TMEM131L: variants seen among roughly 807,000 people sequenced by gnomAD.
The protein encoded by TMEM131L is transmembrane 131 like.
Under a neutral mutation model 192.2 loss-of-function variants are expected in TMEM131L, and 54 were observed. The observed-to-expected ratio is 0.28, with a 90% CI of 0.23 to 0.35. The LOEUF (loss-of-function observed/expected upper bound fraction) is 0.35. Ranked by LOEUF, TMEM131L falls within the 10% of genes least tolerant of loss-of-function variation. The probability of loss-of-function intolerance (pLI) is 1.00; values close to 1 mark genes in which losing one functional copy is unlikely to be tolerated. For synonymous variants in TMEM131L, 701 were observed against 704.9 expected (o/e 0.99, Z 0.09); for missense variants, 1,888 against 1,972.9 (o/e 0.96, Z 0.82).
In TMEM131L at chr4:153,574,884, G is replaced by A. The variant is rs575634368; in HGVS notation, c.661-5942G>A. On this transcript the variant is annotated intron_variant, in intron 7 of 34. Transcript: ENST00000409959. ...ATTACAGGTGTGAGCCACTGCGCCC[G>A]GCCGAGATTTACTTTTATAATGACT... Among the ~76,000 whole-genome samples the A allele has an allele frequency of 2.6e-5, 4 of 152,210 alleles. No individual in the cohort carries two copies. The East Asian group carries it at 5.8e-4, about 22-fold the overall frequency.
chr4:153,479,331 C>T (rs1731760673), intron 3 of TMEM131L, among the ~76,000 whole-genome samples: 1 of 152,208 alleles, frequency 6.6e-6, no homozygotes, highest in Admixed American at 6.5e-5. Flanking sequence ...TCCCTCTTTC[C>T]TCTTCATCCC....
At chr4:153,499,822 CCT>C (rs1733464152) in intron 3 of TMEM131L, among the ~76,000 whole-genome samples, 1 of 152,148 alleles carries the variant, frequency 6.6e-6, no homozygotes, top group African/African-American at 2.4e-5. Flanking sequence ...CATTTTTGAG[CCT>C]CTCTCATTGT....
intron 25 of TMEM131L, among the ~76,000 whole-genome samples, chr4:153,606,580 C>T (rs1732255307): frequency 6.6e-6 from 1 of 152,206 alleles, no homozygotes; most frequent in Non-Finnish European, 1.5e-5. Flanking sequence ...CAGGTAATAA[C>T]ACTTTAATAA....
intron 3 of TMEM131L, among the ~76,000 whole-genome samples, chr4:153,547,567 A>G (rs1353914720): frequency 6.6e-6 from 1 of 152,182 alleles, no homozygotes; most frequent in Non-Finnish European, 1.5e-5. Context: ...CTATTATTTC[A>G]TTTTATTCTC....
At chr4:153,622,528 T>C (rs1232366027) in intron 28 of TMEM131L, among the ~76,000 whole-genome samples, 1 of 152,234 alleles carries the variant, frequency 6.6e-6, no homozygotes, top group Non-Finnish European at 1.5e-5. Context: ...TTTGAAACTC[T>C]TAGTGGATAT....
At chr4:153,497,878 CA>C (rs200874155) in intron 3 of TMEM131L, among the ~76,000 whole-genome samples, 7,655 of 70,366 alleles carry the variant, frequency 0.11, 165 homozygotes, top group East Asian at 0.24. Context: ...GAAAAATTTC[CA>C]AAAAAAAAAA....
At chr4:153,600,199 T>C (rs1731736723) in intron 21 of TMEM131L, among the ~76,000 whole-genome samples, 2 of 152,186 alleles carry the variant, frequency 1.3e-5, no homozygotes, top group Admixed American at 1.3e-4. Context: ...ACCTCATCTC[T>C]GCTAAGAATA....
At chr4:153,575,886 C>T (rs563451767) in intron 7 of TMEM131L, among the ~76,000 whole-genome samples, 59 of 152,092 alleles carry the variant, frequency 3.9e-4, no homozygotes, top group African/African-American at 1.4e-3. Context: ...ACTTGTAACC[C>T]TAGTATGTGG....
chr4:153,470,845 C>G (rs1456332087), intron 2 of TMEM131L, among the ~76,000 whole-genome samples: 1 of 152,240 alleles, frequency 6.6e-6, no homozygotes, highest in African/African-American at 2.4e-5. Flanking sequence ...CAAGCATGTC[C>G]AACACGTATC....
At chr4:153,478,848 A>C (rs1261803293) in intron 3 of TMEM131L, among the ~76,000 whole-genome samples, 1 of 152,150 alleles carries the variant, frequency 6.6e-6, no homozygotes. Context: ...TTTTAATTTT[A>C]ATAACTACCC....
intron 3 of TMEM131L, among the ~76,000 whole-genome samples, chr4:153,540,497 A>C (rs892147287): frequency 3.3e-5 from 5 of 152,188 alleles, no homozygotes; most frequent in African/African-American, 1.2e-4. Flanking sequence ...CCCTTGTATC[A>C]TATGTGTTAT....
At position 153,632,970 on chromosome 4, in the gene TMEM131L, G is replaced by A. The variant is rs1011946029; in HGVS notation, c.4328+132G>A. ...CTTCCTTGGTGTACTTTAGCTGTGC[G>A]TTTCCTTCTGCCTTTTAGAGTTGCA... On this transcript the variant is annotated intron_variant, in intron 32 of 34. Coordinates refer to ENST00000409959, the MANE Select transcript of TMEM131L (RefSeq NM_001131007.2). The A allele has an allele frequency of 4.1e-6, 4 of 979,700 alleles. No individual in the cohort carries two copies. In the South Asian group the frequency reaches 5.4e-5, roughly 13 times the overall value. The allele number at this position is 979,700 out of a possible 1,614,324, so 60.7% of individuals were successfully genotyped here.
At chr4:153,522,531 C>T (rs187517448) in intron 3 of TMEM131L, among the ~76,000 whole-genome samples, 95 of 152,270 alleles carry the variant, frequency 6.2e-4, no homozygotes, top group Middle Eastern at 3.4e-3. Context: ...GACCCTTCCC[C>T]CTGCCTCATG....
At chr4:153,539,813 A>AG (rs1736632445) in intron 3 of TMEM131L, among the ~76,000 whole-genome samples, 1 of 151,806 alleles carries the variant, frequency 6.6e-6, no homozygotes, top group African/African-American at 2.4e-5. Flanking sequence ...GACTTTAAAA[A>AG]AAAAACACCT....
At chr4:153,533,715 T>G (rs571408738) in intron 3 of TMEM131L, among the ~76,000 whole-genome samples, 1 of 152,324 alleles carries the variant, frequency 6.6e-6, no homozygotes, top group South Asian at 2.1e-4. Flanking sequence ...ATTTCTAGCT[T>G]AATCTCTTTC....
chr4:153,632,681 A>C (rs41280471), intron 31 of TMEM131L, 37 bp from the exon 32 acceptor site: 1 of 1,611,302 alleles, frequency 6.2e-7, no homozygotes, highest in Non-Finnish European at 8.5e-7. Context: ...GGGCCAGGTG[A>C]GGATAGGGTG....
At chr4:153,556,736 C>G (rs1020491147) in intron 5 of TMEM131L, among the ~76,000 whole-genome samples, 1 of 152,166 alleles carries the variant, frequency 6.6e-6, no homozygotes, top group Admixed American at 6.5e-5. Context: ...ACTCACAGCT[C>G]CAGTCTGAAG....
intron 3 of TMEM131L, among the ~76,000 whole-genome samples, chr4:153,517,452 A>T (rs1734814112): frequency 6.6e-6 from 1 of 152,012 alleles, no homozygotes; most frequent in South Asian, 2.1e-4. Context: ...AAGTCTTCAG[A>T]AGTAATATAT....
chr4:153,534,522 C>T (rs1736160743), intron 3 of TMEM131L, among the ~76,000 whole-genome samples: 1 of 152,174 alleles, frequency 6.6e-6, no homozygotes, highest in Admixed American at 6.5e-5. Flanking sequence ...CAACCTTTGC[C>T]TCCCGGGTTC....
Sources: allele counts gnomAD v4.1 joint callset (sites outside exome capture counted in the v4.1 genomes callset), GRCh38; gene constraint gnomAD v4.1.1; transcripts MANE v1.5; gene names NCBI Gene and HGNC (gene_info 2026-07-23, HGNC 2026-07-21).